Variants in SCHIP1 observed in about 807,000 individuals in gnomAD.
SCHIP1 encodes the protein schwannomin interacting protein 1, also known as schwannomin-interacting protein 1.
Under a neutral mutation model 29.7 loss-of-function variants are expected in SCHIP1, and 8 were observed. The ratio of observed to expected loss-of-function variants is 0.27; its 90% CI spans 0.16 to 0.49. The LOEUF is 0.49. SCHIP1 is among the 20% of genes least tolerant of loss of function. SCHIP1 has a pLI of 0.99. For missense variants in SCHIP1, 193 were observed against 294.6 expected, an observed-to-expected ratio of 0.66 and a Z score of 2.52; for synonymous variants, 76 against 94.9, an observed-to-expected ratio of 0.80 and a Z score of 1.16.
chr3:159,460,641 T>G, the SCHIP1 span, among the ~76,000 whole-genome samples: 1 of 152,200 alleles, frequency 6.6e-6, no homozygotes, highest in African/African-American at 2.4e-5. Context: ...TCCTACATCC[T>G]GAGAACAACT....
At chr3:159,777,106 A>C in the SCHIP1 span, among the ~76,000 whole-genome samples, 2 of 152,230 alleles carry the variant, frequency 1.3e-5, no homozygotes, top group Admixed American at 1.3e-4. Flanking sequence ...TGACTATTAC[A>C]TATTGGCAAA....
the SCHIP1 span, among the ~76,000 whole-genome samples, chr3:159,731,572 C>T: frequency 6.6e-6 from 1 of 152,174 alleles, no homozygotes; most frequent in Non-Finnish European, 1.5e-5. Context: ...CAGGATGCAG[C>T]GCAAATGTGT....
At chr3:159,823,479 T>C in the SCHIP1 span, among the ~76,000 whole-genome samples, 3 of 152,142 alleles carry the variant, frequency 2.0e-5, no homozygotes, top group African/African-American at 7.2e-5. Context: ...GTTAATCCTA[T>C]GGTAGAGCTC....
At chr3:159,736,822 C>T in the SCHIP1 span, among the ~76,000 whole-genome samples, 1 of 152,040 alleles carries the variant, frequency 6.6e-6, no homozygotes, top group Non-Finnish European at 1.5e-5. Context: ...GCAAGCTCCG[C>T]CTCCCGGGTT....
the SCHIP1 span, among the ~76,000 whole-genome samples, chr3:159,606,504 G>A: frequency 2.6e-5 from 4 of 152,112 alleles, no homozygotes; most frequent in Admixed American, 2.6e-4. Context: ...CATTTATTCA[G>A]AATATCTACT....
At chr3:159,429,230 A>G in the SCHIP1 span, among the ~76,000 whole-genome samples, 3 of 151,910 alleles carry the variant, frequency 2.0e-5, no homozygotes, top group African/African-American at 7.3e-5. Flanking sequence ...ATAAGAAAAA[A>G]AAAAAAAGAA....
At chr3:159,575,977 C>G in the SCHIP1 span, among the ~76,000 whole-genome samples, 13 of 152,102 alleles carry the variant, frequency 8.5e-5, no homozygotes, top group African/African-American at 3.1e-4. Context: ...TCTCATATTT[C>G]AATGTGTTCT....
At chr3:159,375,214 G>A in the SCHIP1 span, among the ~76,000 whole-genome samples, 1 of 152,138 alleles carries the variant, frequency 6.6e-6, no homozygotes, top group Non-Finnish European at 1.5e-5. Flanking sequence ...GCAATGACAG[G>A]TGACCATCAA....
upstream of SCHIP1, among the ~76,000 whole-genome samples, chr3:159,837,128 C>T (rs1011066454): frequency 2.6e-5 from 4 of 151,178 alleles, no homozygotes; most frequent in Admixed American, 6.6e-5. Flanking sequence ...TTTTTAACAA[C>T]ACATGATAAA....
chr3:159,372,756 G>A, the SCHIP1 span, among the ~76,000 whole-genome samples: 8 of 152,020 alleles, frequency 5.3e-5, no homozygotes, highest in East Asian at 1.5e-3. Flanking sequence ...AATATTTTTT[G>A]CATGTAAAAT....
the SCHIP1 span, among the ~76,000 whole-genome samples, chr3:159,313,456 T>C: frequency 6.6e-6 from 1 of 151,760 alleles, no homozygotes; most frequent in Non-Finnish European, 1.5e-5. Flanking sequence ...TATGTGAAAC[T>C]TTGATAATAT....
the SCHIP1 span, among the ~76,000 whole-genome samples, chr3:159,432,285 GATGTGTGT>G: frequency 2.6e-5 from 3 of 114,188 alleles, no homozygotes; most frequent in Admixed American, 9.5e-5. Flanking sequence ...CAGAGTAGGT[GATGTGTGT>G]GTGTGTGTGT....
At chr3:159,472,179 A>T in the SCHIP1 span, among the ~76,000 whole-genome samples, 2 of 152,202 alleles carry the variant, frequency 1.3e-5, no homozygotes, top group Non-Finnish European at 2.9e-5. Context: ...TTATGATCTT[A>T]AATGAAACAA....
chr3:159,891,394 AAGGG>A (rs1403997050), intron 5 of SCHIP1, among the ~76,000 whole-genome samples: 2 of 151,650 alleles, frequency 1.3e-5, no homozygotes, highest in African/African-American at 4.8e-5. Context: ...GGAAGGAAGG[AAGGG>A]AGGGAGGGAG....
the SCHIP1 span, among the ~76,000 whole-genome samples, chr3:159,581,320 A>C: frequency 6.6e-6 from 1 of 152,224 alleles, no homozygotes; most frequent in African/African-American, 2.4e-5. Flanking sequence ...GAGCTGAAGA[A>C]GCTGGCAACC....
the SCHIP1 span, among the ~76,000 whole-genome samples, chr3:159,744,734 T>C: frequency 5.7e-3 from 873 of 152,194 alleles, 11 homozygotes; most frequent in African/African-American, 0.02. Flanking sequence ...TCCCAGCACT[T>C]TGGGAGGCCG....
chr3:159,762,997 T>A, the SCHIP1 span, among the ~76,000 whole-genome samples: 1 of 152,024 alleles, frequency 6.6e-6, no homozygotes, highest in Non-Finnish European at 1.5e-5. Context: ...CCTACCCGCT[T>A]CCCCTGTCTC....
At chr3:159,444,277 T>A in the SCHIP1 span, among the ~76,000 whole-genome samples, 1 of 151,938 alleles carries the variant, frequency 6.6e-6, no homozygotes, top group African/African-American at 2.4e-5. Context: ...CATCTGAAGG[T>A]CACTTCAAGG....
chr3:159,776,708 A>G, the SCHIP1 span, among the ~76,000 whole-genome samples: 4 of 152,248 alleles, frequency 2.6e-5, no homozygotes, highest in Admixed American at 2.0e-4. Flanking sequence ...TGTGTCTCAT[A>G]TAGAAACTCT....
Sources: allele counts gnomAD v4.1 joint callset (sites outside exome capture counted in the v4.1 genomes callset), GRCh38; gene constraint gnomAD v4.1.1; transcripts MANE v1.5; gene names NCBI Gene and HGNC (gene_info 2026-07-23, HGNC 2026-07-21).